DLGAP3: variants seen among roughly 807,000 people sequenced by gnomAD.
DLGAP3 encodes the protein DLG associated protein 3.
In DLGAP3, 17 loss-of-function variants were observed where a neutral mutation model predicts 81.2. That is an observed-to-expected ratio of 0.21 (90% confidence interval 0.14 to 0.31). DLGAP3 has a LOEUF of 0.31. Among genes scored for constraint, DLGAP3 ranks in the 10% least tolerant of loss-of-function variants. The probability of loss-of-function intolerance (pLI) is 1.00; values close to 1 mark genes in which losing one functional copy is unlikely to be tolerated. For missense variants in DLGAP3, 1,124 were observed against 1,388.0 expected, an observed-to-expected ratio of 0.81 and a Z score of 3.02; for synonymous variants, 577 against 587.4, an observed-to-expected ratio of 0.98 and a Z score of 0.26.
Position 34,869,037 on chromosome 1 carries a change from G to A in DLGAP3, c.2053C>T (p.Leu685=), listed in dbSNP as rs1353709561. Residue 685 remains leucine, a synonymous_variant, in exon 9 of 12, where the codon CTG becomes TTG. Coordinates refer to ENST00000373347, the MANE Select transcript of DLGAP3 (RefSeq NM_001080418.3). ...AGGCCTGCCAGGCCCTCCAGCTCCAGGTCTGCCTGCACGCCAGCCGTCACA... is the reference window on the plus strand; with the variant it reads ...AGGCCTGCCAGGCCCTCCAGCTCCAAGTCTGCCTGCACGCCAGCCGTCACA... The part of the protein sequence containing the change: ...NSVTAGVQAD[L]ELEGLAGLAT... 6.2e-7 allele frequency: 1 copy of A among 1,600,930 alleles called. No homozygotes were observed. The highest frequency in any genetic ancestry group is 8.5e-7 in the Non-Finnish European group (1 of 1,179,084).
At position 34,868,402 on chromosome 1, in the gene DLGAP3, T is replaced by C. The variant is rs750464130; in HGVS notation, c.2485+203A>G. 3.9e-5 allele frequency among the ~76,000 whole-genome samples: 6 copies of C among 152,128 alleles called. No homozygotes were observed. The highest frequency in any genetic ancestry group is 8.8e-5 in the Non-Finnish European group (6 of 67,998). On this transcript the variant is annotated intron_variant, in intron 9 of 11. Transcript: ENST00000373347. This position sits in a 1 kb window ranked among gnomAD's most constrained non-coding sequence, Gnocchi z 7.5. The stretch of plus-strand genomic sequence containing the variant: ...AGCCCTGGCCTCTAAAGCTGCACCA[T>C]GTGCACCCTGCTCCCTTTCAAGAGC...
rs373487269 is a variant in DLGAP3, at chr1:34,897,341, G to A, written c.1386+2328C>T. On this transcript the variant is annotated intron_variant, in intron 5 of 11. Coordinates refer to ENST00000373347, the MANE Select transcript of DLGAP3 (RefSeq NM_001080418.3). ...CTCAACAATGACAGTACAGGGAAGG[G>A]GAATAGGAAATGTTGGAAAGGGAGA... Among the ~76,000 whole-genome samples the A allele has an allele frequency of 2.5e-4, 38 of 152,310 alleles. No individual in the cohort carries two copies. The East Asian group carries it at 4.2e-3, about 17-fold the overall frequency.
Position 34,869,080 on chromosome 1 carries a change from C to A in DLGAP3, c.2010G>T (p.Arg670Ser), listed in dbSNP as rs529709332. The change falls in exon 9 of 12, where the codon AGG becomes AGT. Residue 670 changes from arginine (R) to serine (S), a missense_variant. By Grantham distance (110) the Arg-to-Ser change is moderately radical. Transcript: ENST00000373347. ...VQVEEDKRRA[R>S]FKRSNSVTAG... is the part of the protein sequence containing the mutation. ...CCGTCACACTATTGGAGCGCTTGAA[C>A]CTTGCTCGCCTGGGGAGAGGGGTGG... The A allele has an allele frequency of 3.1e-6, 5 of 1,591,372 alleles. No individual in the cohort carries two copies. The South Asian group carries it at 3.3e-5, about 11-fold the overall frequency.
intron 5 of DLGAP3, among the ~76,000 whole-genome samples, chr1:34,892,411 G>A (rs1639325918): frequency 6.6e-6 from 1 of 151,838 alleles, no homozygotes; most frequent in South Asian, 2.1e-4. Context: ...AAGGAGGAGG[G>A]GAAAAAAAGA....
chr1:34,894,426 T>A (rs1485785668), intron 5 of DLGAP3, among the ~76,000 whole-genome samples: 1 of 152,140 alleles, frequency 6.6e-6, no homozygotes, highest in African/African-American at 2.4e-5. Flanking sequence ...CACAGACCTA[T>A]GGAGCACACA....
intron 5 of DLGAP3, among the ~76,000 whole-genome samples, chr1:34,893,630 A>G (rs1569628746): frequency 6.6e-6 from 1 of 152,384 alleles, no homozygotes; most frequent in African/African-American, 2.4e-5. Flanking sequence ...AATATATGAC[A>G]GTAATAGCAA....
chr1:34,926,525 C>A (rs1266981211), intron 1 of DLGAP3, among the ~76,000 whole-genome samples: 1 of 152,152 alleles, frequency 6.6e-6, no homozygotes, highest in Non-Finnish European at 1.5e-5. Context: ...CTTCCAACCC[C>A]CACTGAGTGA....
intron 8 of DLGAP3, among the ~76,000 whole-genome samples, chr1:34,869,753 G>T (rs969415548): frequency 6.6e-6 from 1 of 152,172 alleles, no homozygotes; most frequent in African/African-American, 2.4e-5. Context: ...TGGGATTACA[G>T]GTGTGAGCCA....
intron 1 of DLGAP3, among the ~76,000 whole-genome samples, chr1:34,918,836 G>C (rs1639758721): frequency 6.6e-6 from 1 of 152,184 alleles, no homozygotes; most frequent in Non-Finnish European, 1.5e-5. Flanking sequence ...CGAGGCCAGA[G>C]CTGGAACACC....
chr1:34,888,011 A>G (rs754368500), intron 5 of DLGAP3, among the ~76,000 whole-genome samples: 7 of 152,212 alleles, frequency 4.6e-5, no homozygotes, highest in Non-Finnish European at 7.3e-5. Flanking sequence ...ACTAAGAGAC[A>G]ATCATCCCCT....
chr1:34,887,871 CAT>C (rs1200295139), intron 5 of DLGAP3, among the ~76,000 whole-genome samples: 6 of 152,214 alleles, frequency 3.9e-5, no homozygotes, highest in East Asian at 1.9e-4. Flanking sequence ...GAAAGAAAAA[CAT>C]GTGAGCCTTT....
rs897076056 is a variant in DLGAP3, at chr1:34,893,044, C to T, written c.1386+6625G>A. ...AAAATTAGCCGGGCGCGGTGGCGGG[C>T]GCCTGTAGTCCCAGCTACTCGGGAG... On this transcript the variant is annotated intron_variant, in intron 5 of 11. Transcript: ENST00000373347. Among the ~76,000 whole-genome samples the T allele has an allele frequency of 2.4e-4, 37 of 151,610 alleles. 1 individual carries two copies. The East Asian group carries it at 2.9e-3, about 12-fold the overall frequency.
chr1:34,907,807 TA>T lies in DLGAP3; in HGVS notation c.-134-371del, dbSNP rs563557431. Among the ~76,000 whole-genome samples the T allele has an allele frequency of 1.6e-4, 25 of 152,284 alleles. 1 individual carries two copies. The highest frequency in any genetic ancestry group is 1.6e-3 in the Admixed American group (25 of 15,294). On this transcript the variant is annotated intron_variant, in intron 1 of 11. Transcript: ENST00000373347. ...GAGTGAGAAGTGTATAGAGGTGATT[TA>T]AGAGTGGTCCCTGTCCTCGAGGGGT...
rs1039320320 is a variant in DLGAP3, at chr1:34,895,168, C to T, written c.1386+4501G>A. On this transcript the variant is annotated intron_variant, in intron 5 of 11. Coordinates refer to ENST00000373347, the MANE Select transcript of DLGAP3 (RefSeq NM_001080418.3). This position sits in a 1 kb window ranked among gnomAD's most constrained non-coding sequence, Gnocchi z 4.5. ...GGATGACGAGGTCAGGAGATCGAGA[C>T]GATCCTGGCTAACACGGTGAAACCC... Among the ~76,000 whole-genome samples the T allele has an allele frequency of 2.0e-5, 3 of 152,046 alleles. No individual in the cohort carries two copies. Among genetic ancestry groups the T allele is most frequent in the South Asian group, 4.1e-4 (2 of 4,820 alleles).
Position 34,904,763 on chromosome 1 carries a change from T to A in DLGAP3, c.621A>T (p.Gly207=). The A allele has an allele frequency of 6.2e-7, 1 of 1,611,294 alleles. No individual in the cohort carries two copies. The highest frequency in any genetic ancestry group is 8.5e-7 in the Non-Finnish European group (1 of 1,179,996). ...AGCCCGGGCCGGGGTAGCTGTCTCC[T>A]CCAGAGCCACCTCTTCCCTCAGCCT... is the stretch of plus-strand genomic sequence containing the variant. The part of the protein sequence containing the change: ...GPKAEGRGGS[G]GDSYPGPGSG... The change falls in exon 3 of 12, where the codon GGA becomes GGT. Residue 207 remains glycine (G), a synonymous_variant. Transcript: ENST00000373347. The surrounding 1 kb of genome is among the most constrained non-coding windows in gnomAD (Gnocchi z 8.1).
chr1:34,908,485 G>C (rs535846171), intron 1 of DLGAP3, among the ~76,000 whole-genome samples: 1 of 152,270 alleles, frequency 6.6e-6, no homozygotes, highest in African/African-American at 2.4e-5. Context: ...GAGAGTTCTG[G>C]CAGACAGGAA....
rs549325707 is a variant in DLGAP3 at position 34,873,436 on chromosome 1, C to G, written c.2001-4347G>C. Among the ~76,000 whole-genome samples, 1 of 152,080 alleles carries G rather than the reference C, an allele frequency of 6.6e-6. No individual in the cohort carries two copies. The highest frequency in any genetic ancestry group is 2.4e-5 in the African/African-American group (1 of 41,408). On this transcript the variant is annotated intron_variant, in intron 8 of 11. Transcript: ENST00000373347. This position sits in a 1 kb window ranked among gnomAD's most constrained non-coding sequence, Gnocchi z 4.2. ...CCTTGCCCGGGTCCAAAACCCAGCT[C>G]GGTGGCTTGTGCCTCATTTTCCCAT...
At chr1:34,909,217 T>C (rs4515751) in intron 1 of DLGAP3, among the ~76,000 whole-genome samples, 70,773 of 152,120 alleles carry the variant, frequency 0.47, 17,836 homozygotes, top group South Asian at 0.62. Context: ...TGCTCAGCTT[T>C]CATCAAGATC....
At chr1:34,885,995 T>C (rs972610170) in intron 6 of DLGAP3, 77 bp downstream of exon 6, 118 of 1,424,638 alleles carry the variant, frequency 8.3e-5, no homozygotes, top group Non-Finnish European at 1.0e-4. Context: ...CACAGCACAG[T>C]CGAGGGGGAG....
Sources: allele counts gnomAD v4.1 joint callset (sites outside exome capture counted in the v4.1 genomes callset), GRCh38; gene constraint gnomAD v4.1.1; non-coding constraint Gnocchi (gnomAD v3.1); transcripts MANE v1.5; gene names NCBI Gene and HGNC (gene_info 2026-07-23, HGNC 2026-07-21).